The following CRIM1 variants were observed in gnomAD, a reference collection of about 807,000 sequenced individuals.
CRIM1 encodes cysteine rich transmembrane BMP regulator 1.
CRIM1 carries 32 observed loss-of-function variants against 116.4 expected under a neutral mutation model. The observed-to-expected ratio is 0.27, with a 90% CI of 0.21 to 0.37. CRIM1 has a LOEUF of 0.37. CRIM1 is among the 10% of genes least tolerant of loss of function. The pLI, the probability that CRIM1 is intolerant of heterozygous loss-of-function variation, is 1.00. For missense variants in CRIM1, 1,331 were observed against 1,354.8 expected, an observed-to-expected ratio of 0.98 and a Z score of 0.28; for synonymous variants, 590 against 509.2, an observed-to-expected ratio of 1.16 and a Z score of -2.13.
chr2:36,542,037 C>G (rs1474141514), intron 14 of CRIM1, among the ~76,000 whole-genome samples: 1 of 152,144 alleles, frequency 6.6e-6, no homozygotes, highest in African/African-American at 2.4e-5. Flanking sequence ...GACTCTCTTC[C>G]CTTGGACTTG....
intron 7 of CRIM1, among the ~76,000 whole-genome samples, chr2:36,483,334 C>A (rs1256939450): frequency 6.6e-6 from 1 of 152,162 alleles, no homozygotes; most frequent in South Asian, 2.1e-4. Flanking sequence ...AGAATTAGGT[C>A]TTCATCTGCA....
rs1667657384 is a variant in CRIM1 at position 36,550,092 on chromosome 2, T to A, written c.*1391T>A. On this transcript the variant is annotated 3_prime_UTR_variant, in exon 17 of 17. Coordinates refer to ENST00000280527, the MANE Select transcript of CRIM1 (RefSeq NM_016441.3). The stretch of plus-strand genomic sequence containing the variant: ...GCGCGCGCACGCACGCCTTGAGCAG[T>A]CAGCATTGCACCTGCTATGGAGAAG... 1 of 152,374 alleles carries A rather than the reference T, an allele frequency of 6.6e-6. No individual in the cohort carries two copies. The highest frequency in any genetic ancestry group is 2.1e-4 in the South Asian group (1 of 4,824). The allele number at this position is 152,374 out of a possible 1,614,324, so 9.4% of individuals were successfully genotyped here.
intron 1 of CRIM1, among the ~76,000 whole-genome samples, chr2:36,388,726 T>C (rs887415382): frequency 1.3e-5 from 2 of 151,752 alleles, no homozygotes. Flanking sequence ...AGGAGAGTTG[T>C]GTCCCGTAGC....
intron 5 of CRIM1, among the ~76,000 whole-genome samples, chr2:36,471,658 T>A (rs931477243): frequency 1.3e-5 from 2 of 151,922 alleles, no homozygotes; most frequent in Non-Finnish European, 1.5e-5. Context: ...CTGGGCCACA[T>A]TGGAAGAAGA....
chr2:36,466,355 G>A (rs555880610), intron 5 of CRIM1, among the ~76,000 whole-genome samples: 8 of 152,158 alleles, frequency 5.3e-5, no homozygotes, highest in Admixed American at 2.6e-4. Flanking sequence ...ATCACCTCTC[G>A]GTGCTTCTCC....
intron 4 of CRIM1, among the ~76,000 whole-genome samples, chr2:36,462,323 A>G (rs1306207248): frequency 6.6e-6 from 1 of 152,256 alleles, no homozygotes; most frequent in Non-Finnish European, 1.5e-5. Flanking sequence ...ATATGTCTAT[A>G]AGAAACTTGC....
intron 4 of CRIM1, among the ~76,000 whole-genome samples, chr2:36,455,667 A>C (rs1438924749): frequency 6.6e-6 from 1 of 152,218 alleles, no homozygotes; most frequent in East Asian, 1.9e-4. Flanking sequence ...CCTCCCTTCC[A>C]TCCCAGGTGA....
chr2:36,465,411 T>A (rs1458903477), intron 5 of CRIM1, among the ~76,000 whole-genome samples: 1 of 152,242 alleles, frequency 6.6e-6, no homozygotes, highest in Non-Finnish European at 1.5e-5. Context: ...CAATAACCAT[T>A]CAGAGCATTA....
intron 8 of CRIM1, among the ~76,000 whole-genome samples, chr2:36,509,552 A>G (rs1176700469): frequency 6.6e-6 from 1 of 152,216 alleles, no homozygotes; most frequent in Admixed American, 6.5e-5. Flanking sequence ...AAGGACATGC[A>G]TTATTATGGA....
At chr2:36,544,240 G>A (rs1667154732) in intron 14 of CRIM1, 136 bp from the exon 15 acceptor site, 4 of 674,326 alleles carry the variant, frequency 5.9e-6, no homozygotes, top group Non-Finnish European at 8.6e-6. Context: ...GATGAATGAT[G>A]TAAATGGCAG....
At chr2:36,526,547 A>G (rs951440609) in intron 13 of CRIM1, among the ~76,000 whole-genome samples, 2 of 152,026 alleles carry the variant, frequency 1.3e-5, no homozygotes, top group Admixed American at 6.5e-5. Context: ...CAAGGAGGAT[A>G]GCAGAGAAGT....
intron 7 of CRIM1, among the ~76,000 whole-genome samples, chr2:36,487,837 GACTTCTAGGGATTAGAGGCATGT>G (rs1249955672): frequency 6.6e-6 from 1 of 152,048 alleles, no homozygotes; most frequent in African/African-American, 2.4e-5. Context: ...GTATTTTTAT[GACTTCTAGGGATTAGAGGCATGT>G]ATTTAAATGG....
At chr2:36,384,968 G>A (rs866038148) in intron 1 of CRIM1, among the ~76,000 whole-genome samples, 3 of 152,006 alleles carry the variant, frequency 2.0e-5, no homozygotes, top group African/African-American at 4.8e-5. Context: ...ATGGTATGCC[G>A]TACATATGAA....
At chr2:36,381,386 C>T (rs1166078448) in intron 1 of CRIM1, among the ~76,000 whole-genome samples, 4 of 152,188 alleles carry the variant, frequency 2.6e-5, no homozygotes, top group Non-Finnish European at 4.4e-5. Flanking sequence ...TTCCTCAGAC[C>T]AGGCCTGTGG....
At chr2:36,534,197 G>A (rs1666326941) in intron 13 of CRIM1, among the ~76,000 whole-genome samples, 1 of 135,770 alleles carries the variant, frequency 7.4e-6, no homozygotes, top group Admixed American at 7.3e-5. Flanking sequence ...AAGGAAGGAG[G>A]GAGAAAAGGA....
intron 4 of CRIM1, among the ~76,000 whole-genome samples, chr2:36,446,807 A>G (rs557133055): frequency 1.7e-4 from 26 of 152,340 alleles, no homozygotes; most frequent in African/African-American, 6.3e-4. Flanking sequence ...ACTGGGCCTA[A>G]ACACTACACA....
At chr2:36,517,670 G>A in intron 12 of CRIM1, 128 bp downstream of exon 12, 2 of 838,424 alleles carry the variant, frequency 2.4e-6, no homozygotes, top group South Asian at 3.7e-5. Flanking sequence ...ATCCCATCAG[G>A]AACAGCTGGC....
chr2:36,410,098 A>G (rs192738005), intron 2 of CRIM1, among the ~76,000 whole-genome samples: 14 of 152,334 alleles, frequency 9.2e-5, no homozygotes, highest in Admixed American at 1.3e-4. Flanking sequence ...TGACAGCAGT[A>G]AGTGGTGCCT....
rs1019966949 is a variant in CRIM1 at position 36,356,730 on chromosome 2, C to T, written c.331+107C>T. 4 of 1,161,156 alleles carry T rather than the reference C, an allele frequency of 3.4e-6. No individual in the cohort carries two copies. The highest frequency in any genetic ancestry group is 2.7e-5 in the Admixed American group (1 of 37,566). The allele number at this position is 1,161,156 out of a possible 1,614,324, so 71.9% of individuals were successfully genotyped here. ...GAGACTTTCTGGAGGAAAGAGGGCTCTGCGGGAAGAGGGGCGGCCGCCGCC... is the reference window on the plus strand; with the variant it reads ...GAGACTTTCTGGAGGAAAGAGGGCTTTGCGGGAAGAGGGGCGGCCGCCGCC... On this transcript the variant is annotated intron_variant, in intron 1 of 16. Coordinates refer to ENST00000280527, the MANE Select transcript of CRIM1 (RefSeq NM_016441.3). The surrounding 1 kb of genome is among the most constrained non-coding windows in gnomAD (Gnocchi z 4.3).
Sources: allele counts gnomAD v4.1 joint callset (sites outside exome capture counted in the v4.1 genomes callset), GRCh38; gene constraint gnomAD v4.1.1; non-coding constraint Gnocchi (gnomAD v3.1); transcripts MANE v1.5; gene names NCBI Gene and HGNC (gene_info 2026-07-23, HGNC 2026-07-21).